Variants in CPPED1 observed in about 807,000 individuals in gnomAD.
CPPED1 encodes the protein calcineurin like phosphoesterase domain containing 1.
CPPED1 carries 28 observed loss-of-function variants against 28.0 expected under a neutral mutation model. The ratio of observed to expected loss-of-function variants is 1.00; its 90% CI spans 0.74 to 1.37. The LOEUF is 1.37. Ranked by LOEUF, CPPED1 falls within the 40% of genes most tolerant of loss-of-function variation. The pLI is 0.00. For synonymous variants in CPPED1, 198 were observed against 180.2 expected (o/e 1.10, Z -0.79); for missense variants, 504 against 416.5 (o/e 1.21, Z -1.83).
In CPPED1 at chr16:12,784,425, T is replaced by C. The variant is rs371883538; in HGVS notation, c.71-3022A>G. On this transcript the variant is annotated intron_variant, in intron 1 of 3. Coordinates refer to ENST00000381774, the MANE Select transcript of CPPED1 (RefSeq NM_018340.3). The stretch of plus-strand genomic sequence containing the variant: ...ACAAAATCCTGTGACATGATACATA[T>C]TTGCTTTTTAAGCTGTGAAACTTCA... Among the ~76,000 whole-genome samples, 128 of 152,266 alleles carry C rather than the reference T, an allele frequency of 8.4e-4. 2 individuals are homozygous for C. The highest frequency in any genetic ancestry group is 3.0e-3 in the African/African-American group (124 of 41,542).
chr16:12,666,950 G>T (rs2079828935), intron 3 of CPPED1, among the ~76,000 whole-genome samples: 1 of 151,970 alleles, frequency 6.6e-6, no homozygotes, highest in African/African-American at 2.4e-5. Context: ...CAACCTGAGA[G>T]TCTAGGAAGG....
chr16:12,666,925 G>C (rs1455778713), intron 3 of CPPED1, among the ~76,000 whole-genome samples: 1 of 151,998 alleles, frequency 6.6e-6, no homozygotes, highest in African/African-American at 2.4e-5. Context: ...TACACCACTA[G>C]GCTAAGGCTT....
chr16:12,679,194 G>A (rs1345780217), intron 3 of CPPED1, among the ~76,000 whole-genome samples: 5 of 152,258 alleles, frequency 3.3e-5, no homozygotes, highest in South Asian at 2.1e-4. Flanking sequence ...CTCCCCATTC[G>A]TTTTTCATGC....
chr16:12,769,736 C>T lies in CPPED1; in HGVS notation c.289+11449G>A, dbSNP rs140299876. On this transcript the variant is annotated intron_variant, in intron 2 of 3. Transcript: ENST00000381774. ...AGGTTACTGCTCAGCATTCGACCCA[C>T]ACGCGACCTGCTGGAAAATCTGAGC... Among the ~76,000 whole-genome samples, 487 of 152,284 alleles carry T rather than the reference C, an allele frequency of 3.2e-3. 1 individual carries two copies. The highest frequency in any genetic ancestry group is 3.6e-3 in the Non-Finnish European group (246 of 68,026).
chr16:12,704,162 T>C (rs577719860), intron 3 of CPPED1, among the ~76,000 whole-genome samples: 1 of 152,298 alleles, frequency 6.6e-6, no homozygotes, highest in East Asian at 1.9e-4. Context: ...GCAAGGTGCC[T>C]GCTTCCCAGA....
chr16:12,681,915 C>G (rs1028620599), intron 3 of CPPED1, among the ~76,000 whole-genome samples: 1 of 152,174 alleles, frequency 6.6e-6, no homozygotes, highest in African/African-American at 2.4e-5. Context: ...TCTCCAGGGG[C>G]TAGAGGTGGC....
intron 1 of CPPED1, among the ~76,000 whole-genome samples, chr16:12,800,458 TG>T (rs2080652716): frequency 6.7e-6 from 1 of 149,474 alleles, no homozygotes; most frequent in African/African-American, 2.5e-5. Context: ...AAGTAAACCA[TG>T]GGGGACTACA....
At chr16:12,688,175 T>C (rs1471270172) in intron 3 of CPPED1, among the ~76,000 whole-genome samples, 3 of 151,100 alleles carry the variant, frequency 2.0e-5, no homozygotes, top group Non-Finnish European at 4.4e-5. Context: ...GGACTACAGG[T>C]GCACACCACA....
At chr16:12,784,343 G>A (rs536419911) in intron 1 of CPPED1, among the ~76,000 whole-genome samples, 1 of 152,270 alleles carries the variant, frequency 6.6e-6, no homozygotes, top group East Asian at 1.9e-4. Context: ...TACCTTGACT[G>A]AAGCCTTATA....
At chr16:12,673,208 T>C (rs2079861323) in intron 3 of CPPED1, among the ~76,000 whole-genome samples, 1 of 152,010 alleles carries the variant, frequency 6.6e-6, no homozygotes, top group African/African-American at 2.4e-5. Context: ...AAGGCTCCAA[T>C]CGTACAGACT....
chr16:12,761,572 T>C (rs2080410153), intron 2 of CPPED1, among the ~76,000 whole-genome samples: 1 of 152,124 alleles, frequency 6.6e-6, no homozygotes, highest in East Asian at 1.9e-4. Context: ...TGATAATGAA[T>C]CAATCAGGAA....
intron 2 of CPPED1, among the ~76,000 whole-genome samples, chr16:12,762,947 C>T (rs1008070132): frequency 2.0e-5 from 3 of 151,840 alleles, no homozygotes; most frequent in Non-Finnish European, 2.9e-5. Context: ...TGAAGTCTTG[C>T]GCCGGGCACG....
intron 2 of CPPED1, among the ~76,000 whole-genome samples, chr16:12,719,844 G>A (rs935482674): frequency 3.3e-5 from 5 of 151,980 alleles, no homozygotes; most frequent in African/African-American, 1.2e-4. Context: ...GGTGAGGCAG[G>A]AGAATTGCTT....
At chr16:12,680,649 A>G (rs943197716) in intron 3 of CPPED1, among the ~76,000 whole-genome samples, 1 of 152,046 alleles carries the variant, frequency 6.6e-6, no homozygotes, top group South Asian at 2.1e-4. Flanking sequence ...GAGAAGCCCA[A>G]CTACTCCTGC....
chr16:12,792,226 T>A (rs975893612), intron 1 of CPPED1, among the ~76,000 whole-genome samples: 3 of 152,162 alleles, frequency 2.0e-5, no homozygotes, highest in Non-Finnish European at 4.4e-5. Context: ...GTGCTGGGAT[T>A]ACAGGCCTGA....
At chr16:12,717,840 C>T (rs1461421359) in intron 2 of CPPED1, among the ~76,000 whole-genome samples, 3 of 152,100 alleles carry the variant, frequency 2.0e-5, no homozygotes, top group African/African-American at 4.8e-5. Flanking sequence ...CAGGGTTTCA[C>T]CATGTTGGCC....
intron 2 of CPPED1, among the ~76,000 whole-genome samples, chr16:12,755,802 C>G (rs992358822): frequency 1.3e-5 from 2 of 152,078 alleles, no homozygotes; most frequent in African/African-American, 4.8e-5. Context: ...ATTTGCATGG[C>G]AGGGGCGTGG....
At chr16:12,693,172 G>A (rs2079972249) in intron 3 of CPPED1, among the ~76,000 whole-genome samples, 2 of 152,128 alleles carry the variant, frequency 1.3e-5, no homozygotes, top group Non-Finnish European at 2.9e-5. Flanking sequence ...GGGGCTCCCA[G>A]GACAATGTCT....
chr16:12,739,212 C>T (rs2080241892), intron 2 of CPPED1, among the ~76,000 whole-genome samples: 1 of 152,124 alleles, frequency 6.6e-6, no homozygotes, highest in Non-Finnish European at 1.5e-5. Flanking sequence ...CTGGCTTGCC[C>T]TGGACACTAA....
Sources: allele counts gnomAD v4.1 joint callset (sites outside exome capture counted in the v4.1 genomes callset), GRCh38; gene constraint gnomAD v4.1.1; transcripts MANE v1.5; gene names NCBI Gene and HGNC (gene_info 2026-07-23, HGNC 2026-07-21).